SHMT1: variants seen among roughly 807,000 people sequenced by gnomAD.
SHMT1 encodes the protein serine hydroxymethyltransferase, cytosolic.
Under a neutral mutation model 49.0 loss-of-function variants are expected in SHMT1, and 45 were observed. The observed-to-expected ratio is 0.92, with a 90% CI of 0.72 to 1.18. The LOEUF (loss-of-function observed/expected upper bound fraction) is 1.18. Among genes scored for constraint, SHMT1 ranks in the 50% most tolerant of loss-of-function variants. The pLI, the probability that SHMT1 is intolerant of heterozygous loss-of-function variation, is 0.00. For missense variants in SHMT1, 541 were observed against 612.4 expected (o/e 0.88, Z 1.23); for synonymous variants, 232 against 246.6 (o/e 0.94, Z 0.55).
At chr17:18,335,038 C>G (rs1983640097) in intron 8 of SHMT1, among the ~76,000 whole-genome samples, 2 of 152,246 alleles carry the variant, frequency 1.3e-5, no homozygotes. Flanking sequence ...AGCGGGATAA[C>G]TCTTGAGTCA....
intron 1 of SHMT1, among the ~76,000 whole-genome samples, chr17:18,362,575 C>T (rs1598080880): frequency 6.6e-6 from 1 of 152,174 alleles, no homozygotes; most frequent in East Asian, 1.9e-4. Context: ...CCGCCCACCT[C>T]GGCCTCCCAA....
chr17:18,355,617 G>A (rs1986167901), intron 2 of SHMT1, among the ~76,000 whole-genome samples: 2 of 151,860 alleles, frequency 1.3e-5, no homozygotes, highest in Admixed American at 1.3e-4. Flanking sequence ...TATTCCCTGT[G>A]AACTGTCAGG....
Position 18,348,396 on chromosome 17 carries a change from C to A in SHMT1, c.287G>T (p.Cys96Phe), listed in dbSNP as rs1435679790. ...ATAGGCCTGCAGGGCTCGCTTCTGACAGAGGGTCTCCAGTTCATCAATAAA... is the reference window on the plus strand; with the variant it reads ...ATAGGCCTGCAGGGCTCGCTTCTGAAAGAGGGTCTCCAGTTCATCAATAAA... Reference protein sequence around the residue: ...TEFIDELETLCQKRALQAYKL... With the variant: ...TEFIDELETLFQKRALQAYKL... Residue 96 changes from cysteine to phenylalanine, a missense_variant, in exon 4 of 12, where the codon TGT (cysteine) becomes TTT (phenylalanine). By Grantham distance (205) the Cys-to-Phe change is radical (BLOSUM62 -2). Transcript: ENST00000316694. 3.1e-6 allele frequency: 5 copies of A among 1,613,934 alleles called. No homozygotes were observed. In the African/African-American group the frequency reaches 6.7e-5, roughly 22 times the overall value.
chr17:18,357,010 G>A (rs896623273), intron 1 of SHMT1, among the ~76,000 whole-genome samples: 5 of 152,030 alleles, frequency 3.3e-5, no homozygotes, highest in East Asian at 1.9e-4. Context: ...GGCCGGGCAC[G>A]GTGGCTCACG....
chr17:18,329,270 A>G lies in SHMT1; in HGVS notation c.1282+8T>C. ...AAGATGTGGCAACTTCCAAACTTTT[A>G]TCCTTACCTCTGTGAATAAAGTGGG... On this transcript the variant is annotated splice_region_variant and intron_variant, in intron 11 of 11. Transcript: ENST00000316694. The G allele has an allele frequency of 6.3e-7, 1 of 1,597,080 alleles. No homozygotes were observed. The highest frequency in any genetic ancestry group is 8.6e-7 in the Non-Finnish European group (1 of 1,165,166).
chr17:18,329,118 C>G (rs966745185), intron 11 of SHMT1, among the ~76,000 whole-genome samples, 160 bp downstream of exon 11: 1 of 152,172 alleles, frequency 6.6e-6, no homozygotes, highest in Non-Finnish European at 1.5e-5. Flanking sequence ...TTATAACCCT[C>G]TCAGACAAGG....
intron 3 of SHMT1, chr17:18,353,453 AG>A (rs1985917827): frequency 6.6e-6 from 4 of 602,154 alleles, no homozygotes. Context: ...AAGCCCCCAA[AG>A]AACTGTGAAA....
intron 7 of SHMT1, among the ~76,000 whole-genome samples, chr17:18,337,694 G>C (rs573483837): frequency 1.3e-5 from 2 of 152,190 alleles, no homozygotes; most frequent in Non-Finnish European, 1.5e-5. Context: ...GCCTCAGCCT[G>C]CCGAGTGCCT....
intron 8 of SHMT1, among the ~76,000 whole-genome samples, chr17:18,333,778 T>A (rs2151568070): frequency 6.6e-6 from 1 of 151,624 alleles, no homozygotes. Flanking sequence ...TAAAAAAATT[T>A]TTTATTTTTA....
At chr17:18,353,879 C>A in intron 2 of SHMT1, 62 bp from the exon 3 acceptor site, 1 of 1,439,768 alleles carries the variant, frequency 6.9e-7, no homozygotes, top group Non-Finnish European at 9.8e-7. Flanking sequence ...TTGCTCTGAT[C>A]CAAATTACAA....
chr17:18,358,055 G>T (rs1254460443), intron 1 of SHMT1, among the ~76,000 whole-genome samples: 1 of 145,360 alleles, frequency 6.9e-6, no homozygotes, highest in Non-Finnish European at 1.5e-5. Flanking sequence ...TTTCAGTAGA[G>T]ATGGGGTTTC....
At chr17:18,360,862 G>A (rs1037740436) in intron 1 of SHMT1, among the ~76,000 whole-genome samples, 2 of 152,050 alleles carry the variant, frequency 1.3e-5, no homozygotes, top group South Asian at 2.1e-4. Flanking sequence ...GGGAGACCCC[G>A]TCTCTCTAAA....
intron 1 of SHMT1, among the ~76,000 whole-genome samples, chr17:18,358,029 A>C (rs1364414539): frequency 8.7e-5 from 13 of 149,470 alleles, no homozygotes; most frequent in Admixed American, 8.0e-4. Flanking sequence ...ATGCCTGGCT[A>C]ATTTTTTTTT....
chr17:18,350,525 C>T (rs62072546), intron 3 of SHMT1, among the ~76,000 whole-genome samples: 24,029 of 150,746 alleles, frequency 0.16, 2,455 homozygotes, highest in Non-Finnish European at 0.23. Context: ...GTGGTCCTAG[C>T]TACAGAGAGG....
rs1367906626 is a variant in SHMT1 at position 18,336,303 on chromosome 17, CAG to C, written c.815-630_815-629del. On this transcript the variant is annotated intron_variant, in intron 7 of 11. Coordinates refer to ENST00000316694, the MANE Select transcript of SHMT1 (RefSeq NM_004169.5). Reference sequence around the variant, plus strand: ...AAAAGAAAAAAAGAAAAAAAAAGGACAGAAATTTCCCTCCACTAACATTGTAA... The same window carrying C: ...AAAAGAAAAAAAGAAAAAAAAAGGACAAATTTCCCTCCACTAACATTGTAA... 2.6e-5 allele frequency among the ~76,000 whole-genome samples: 4 copies of C among 151,452 alleles called. No individual in the cohort carries two copies. The South Asian group carries it at 6.3e-4, about 24-fold the overall frequency.
intron 1 of SHMT1, chr17:18,360,432 G>C (rs1257571767): frequency 6.6e-6 from 1 of 151,492 alleles, no homozygotes; most frequent in African/African-American, 2.4e-5. Flanking sequence ...GGTGGCGCAC[G>C]CCTGTATTCT....
At chr17:18,356,284 C>T (rs112258851) in intron 1 of SHMT1, among the ~76,000 whole-genome samples, 16,604 of 152,016 alleles carry the variant, frequency 0.11, 1,010 homozygotes, top group South Asian at 0.18. Flanking sequence ...CCTTGTCATC[C>T]GCCCACGTTG....
Position 18,340,567 on chromosome 17 carries a change from C to T in SHMT1, c.601+165G>A, listed in dbSNP as rs930656920. ...CATAGCACAAAAAGCAGCAAACACA[C>T]ATCTGTATCCTGAAAGAAACTAATA... On this transcript the variant is annotated intron_variant, in intron 6 of 11. Transcript: ENST00000316694. This position sits in a 1 kb window ranked among gnomAD's most constrained non-coding sequence, Gnocchi z 4.5. 3.1e-5 allele frequency: 22 copies of T among 720,986 alleles called. No homozygotes were observed. Among genetic ancestry groups the T allele is most frequent in the Middle Eastern group, 4.5e-4 (2 of 4,412 alleles). 44.7% of individuals were successfully genotyped at this position (720,986 alleles called of 1,614,324 possible). A position where few individuals can be genotyped will look rare whatever the true frequency, so the allele number is the denominator to read the frequency against.
chr17:18,343,891 G>A (rs1482902565), intron 5 of SHMT1, among the ~76,000 whole-genome samples: 3 of 147,072 alleles, frequency 2.0e-5, no homozygotes, highest in Non-Finnish European at 4.4e-5. Flanking sequence ...CTGCACTCCA[G>A]CCTGGGAGGC....
Sources: allele counts gnomAD v4.1 joint callset (sites outside exome capture counted in the v4.1 genomes callset), GRCh38; gene constraint gnomAD v4.1.1; non-coding constraint Gnocchi (gnomAD v3.1); transcripts MANE v1.5; gene names NCBI Gene and HGNC (gene_info 2026-07-23, HGNC 2026-07-21).